The following MAN1A1 variants were observed in gnomAD, a reference collection of about 807,000 sequenced individuals.
MAN1A1 encodes the protein mannosyl-oligosaccharide 1,2-alpha-mannosidase IA.
In MAN1A1, 29 loss-of-function variants were observed where a neutral mutation model predicts 70.8. The ratio of observed to expected loss-of-function variants is 0.41; its 90% CI spans 0.31 to 0.56. The LOEUF (loss-of-function observed/expected upper bound fraction) is 0.56, where lower values mean the gene tolerates loss of function less well. Among genes scored for constraint, MAN1A1 ranks in the 20% least tolerant of loss-of-function variants. The probability of loss-of-function intolerance (pLI) is 0.29; values close to 1 mark genes in which losing one functional copy is unlikely to be tolerated. For synonymous variants in MAN1A1, 349 were observed against 330.1 expected (o/e 1.06, Z -0.62); for missense variants, 747 against 841.3 (o/e 0.89, Z 1.39).
chr6:119,349,107 G>C lies in MAN1A1; in HGVS notation c.-42C>G. ...TGGTCCGGCGCCGCGCCGCTCAGCA[G>C]CCAAACTTCGCCGCCGCTGGGAGTC... is the stretch of plus-strand genomic sequence containing the variant. On this transcript the variant is annotated 5_prime_UTR_variant, in exon 2 of 13. Transcript: ENST00000368468. 1 of 1,262,346 alleles carries C rather than the reference G, an allele frequency of 7.9e-7. No homozygotes were observed. The highest frequency in any genetic ancestry group is 9.9e-7 in the Non-Finnish European group (1 of 1,005,248). The allele number at this position is 1,262,346 out of a possible 1,614,324, so 78.2% of individuals were successfully genotyped here. A position where few individuals can be genotyped will look rare whatever the true frequency, so the allele number is the denominator to read the frequency against.
chr6:119,330,657 C>T (rs963366254), intron 2 of MAN1A1, among the ~76,000 whole-genome samples: 8 of 152,224 alleles, frequency 5.3e-5, no homozygotes, highest in East Asian at 1.9e-4. Context: ...CCTGGTCAGA[C>T]GCCTTCTCTG....
At chr6:119,223,880 A>C (rs1272630297) in intron 6 of MAN1A1, among the ~76,000 whole-genome samples, 1 of 152,228 alleles carries the variant, frequency 6.6e-6, no homozygotes, top group Non-Finnish European at 1.5e-5. Flanking sequence ...TCAACTATTT[A>C]AAGGCATTAG....
At chr6:119,297,234 G>A (rs1772240378) in intron 4 of MAN1A1, among the ~76,000 whole-genome samples, 1 of 152,180 alleles carries the variant, frequency 6.6e-6, no homozygotes, top group Admixed American at 6.5e-5. Context: ...GGTAGACCAA[G>A]TGACTTGAAC....
At chr6:119,212,518 A>C (rs936498794) in intron 6 of MAN1A1, among the ~76,000 whole-genome samples, 3 of 152,196 alleles carry the variant, frequency 2.0e-5, no homozygotes, top group African/African-American at 7.2e-5. Context: ...TTACCGTGCC[A>C]TCCAAACACC....
At chr6:119,325,473 C>T (rs1256375523) in intron 2 of MAN1A1, among the ~76,000 whole-genome samples, 3 of 152,146 alleles carry the variant, frequency 2.0e-5, no homozygotes, top group African/African-American at 7.2e-5. Context: ...GCCTGGCTAA[C>T]ATGTGAAGCC....
intron 8 of MAN1A1, among the ~76,000 whole-genome samples, chr6:119,194,301 T>C (rs1378867242): frequency 1.3e-5 from 2 of 152,202 alleles, no homozygotes; most frequent in Non-Finnish European, 1.5e-5. Context: ...TGGTTTGTAA[T>C]AAATAAAACA....
intron 6 of MAN1A1, among the ~76,000 whole-genome samples, chr6:119,237,312 G>C (rs970297631): frequency 6.6e-6 from 1 of 152,184 alleles, no homozygotes; most frequent in East Asian, 1.9e-4. Flanking sequence ...ACATGTTACA[G>C]AGAAATCTTT....
At chr6:119,331,276 T>A (rs1305934740) in intron 2 of MAN1A1, among the ~76,000 whole-genome samples, 1 of 152,070 alleles carries the variant, frequency 6.6e-6, no homozygotes, top group Middle Eastern at 3.2e-3. Flanking sequence ...TTTGGTGATA[T>A]ACCTCACTGT....
chr6:119,215,211 A>C (rs1019274454), intron 6 of MAN1A1, among the ~76,000 whole-genome samples: 8 of 152,182 alleles, frequency 5.3e-5, no homozygotes, highest in Admixed American at 1.3e-4. Context: ...AGAAAAAAAA[A>C]ACAAAAAACA....
intron 5 of MAN1A1, among the ~76,000 whole-genome samples, chr6:119,262,188 T>C (rs953474403): frequency 6.6e-6 from 1 of 152,164 alleles, no homozygotes; most frequent in African/African-American, 2.4e-5. Flanking sequence ...ACACACTGTT[T>C]AAAAACTTAA....
chr6:119,255,292 A>T (rs1215629401), intron 5 of MAN1A1, among the ~76,000 whole-genome samples: 2 of 152,264 alleles, frequency 1.3e-5, no homozygotes, highest in African/African-American at 2.4e-5. Context: ...CACCATTAAA[A>T]GATCAAACAC....
chr6:119,219,184 A>G (rs1023497688), intron 6 of MAN1A1, among the ~76,000 whole-genome samples: 1 of 151,572 alleles, frequency 6.6e-6, no homozygotes, highest in Admixed American at 6.6e-5. Flanking sequence ...AATTTCACTG[A>G]TTTATTTTTT....
intron 6 of MAN1A1, among the ~76,000 whole-genome samples, chr6:119,214,888 A>G (rs1774155475): frequency 6.6e-6 from 1 of 152,164 alleles, no homozygotes; most frequent in Non-Finnish European, 1.5e-5. Context: ...ACACAAGAAA[A>G]CTGTTAACTT....
At chr6:119,222,740 C>A (rs751781879) in intron 6 of MAN1A1, among the ~76,000 whole-genome samples, 1 of 152,284 alleles carries the variant, frequency 6.6e-6, no homozygotes, top group East Asian at 1.9e-4. Flanking sequence ...GAAAAATGCA[C>A]AAAATTGCCT....
intron 5 of MAN1A1, among the ~76,000 whole-genome samples, chr6:119,281,280 C>T (rs1251249964): frequency 6.6e-6 from 1 of 152,152 alleles, no homozygotes; most frequent in Admixed American, 6.5e-5. Flanking sequence ...ACAAAGTTAT[C>T]TTCTCAGTAA....
At chr6:119,215,128 A>G (rs1774164377) in intron 6 of MAN1A1, among the ~76,000 whole-genome samples, 1 of 152,194 alleles carries the variant, frequency 6.6e-6, no homozygotes, top group East Asian at 1.9e-4. Context: ...GCAGCACACC[A>G]ACATGGCACA....
At chr6:119,333,296 GA>G (rs1435894668) in intron 2 of MAN1A1, among the ~76,000 whole-genome samples, 4 of 152,210 alleles carry the variant, frequency 2.6e-5, no homozygotes, top group Middle Eastern at 3.2e-3. Flanking sequence ...CCACAGGTCA[GA>G]AAAAGGTGAT....
intron 6 of MAN1A1, among the ~76,000 whole-genome samples, chr6:119,239,568 A>C (rs1582726100): frequency 6.6e-6 from 1 of 152,246 alleles, no homozygotes; most frequent in Non-Finnish European, 1.5e-5. Context: ...AGTTAGTTGA[A>C]TATTTACAAT....
chr6:119,290,081 A>T (rs1776491790), intron 5 of MAN1A1, among the ~76,000 whole-genome samples: 1 of 151,940 alleles, frequency 6.6e-6, no homozygotes, highest in Non-Finnish European at 1.5e-5. Context: ...ATGATACAAA[A>T]ATCCTTTCTT....
Sources: gnomAD v4.1 joint callset for allele counts (sites outside exome capture counted in the v4.1 genomes callset) on GRCh38, gnomAD v4.1.1 for gene constraint, MANE v1.5 for transcripts, NCBI Gene and HGNC (gene_info 2026-07-23, HGNC 2026-07-21) for gene names.